Variants in GHR observed in about 807,000 individuals in gnomAD.
GHR encodes GH receptor.
In GHR, 35 loss-of-function variants were observed where a neutral mutation model predicts 67.1. The observed-to-expected ratio is 0.52, with a 90% CI of 0.40 to 0.69. The LOEUF (loss-of-function observed/expected upper bound fraction) is 0.69. Ranked by LOEUF, GHR falls within the 30% of genes least tolerant of loss-of-function variation. The pLI is 0.00. For missense variants in GHR, 792 were observed against 764.6 expected, an observed-to-expected ratio of 1.04 and a Z score of -0.42; for synonymous variants, 272 against 269.1, an observed-to-expected ratio of 1.01 and a Z score of -0.10.
chr5:42,443,245 A>G (rs567355521), intron 1 of GHR, among the ~76,000 whole-genome samples: 55 of 152,338 alleles, frequency 3.6e-4, no homozygotes, highest in African/African-American at 1.3e-3. Context: ...TTGAAATTAC[A>G]TATGAATATT....
intron 1 of GHR, among the ~76,000 whole-genome samples, chr5:42,558,648 A>C (rs2112448024): frequency 6.6e-6 from 1 of 152,302 alleles, no homozygotes; most frequent in Non-Finnish European, 1.5e-5. Context: ...TAGAGCAGTA[A>C]CCTGCTGCAC....
At chr5:42,708,556 C>T (rs916781471) in intron 6 of GHR, among the ~76,000 whole-genome samples, 3 of 151,930 alleles carry the variant, frequency 2.0e-5, no homozygotes, top group African/African-American at 7.3e-5. Context: ...ATAGGTATAA[C>T]CCAACTAAAC....
At chr5:42,474,277 A>AAAAGAGAAAG (rs1400535926) in intron 1 of GHR, among the ~76,000 whole-genome samples, 20 of 110,788 alleles carry the variant, frequency 1.8e-4, no homozygotes, top group East Asian at 7.4e-4. Context: ...GAAAGAAAGA[A>AAAAGAGAAAG]AGAAAGAAAA....
chr5:42,713,584 AT>A (rs1262467452), intron 8 of GHR, 65 bp downstream of exon 8: 1 of 795,298 alleles, frequency 1.3e-6, no homozygotes, highest in Non-Finnish European at 2.2e-6. Flanking sequence ...ATGTGTTTCT[AT>A]TTGTTATTTG....
intron 3 of GHR, among the ~76,000 whole-genome samples, chr5:42,680,031 G>A (rs932866300): frequency 2.0e-5 from 3 of 152,140 alleles, no homozygotes; most frequent in Non-Finnish European, 4.4e-5. Context: ...AAATATAAAG[G>A]CTAAATACAA....
intron 1 of GHR, among the ~76,000 whole-genome samples, chr5:42,531,405 T>C (rs529508879): frequency 4.6e-5 from 7 of 152,282 alleles, no homozygotes; most frequent in Middle Eastern, 3.4e-3. Flanking sequence ...CTATGGATTT[T>C]CTCTACAATG....
At chr5:42,478,798 G>A (rs1037269568) in intron 1 of GHR, among the ~76,000 whole-genome samples, 3 of 152,156 alleles carry the variant, frequency 2.0e-5, no homozygotes, top group Non-Finnish European at 2.9e-5. Context: ...AGATGATGGG[G>A]TTTTCTAGAT....
intron 1 of GHR, chr5:42,467,338 AG>A: frequency 9.4e-7 from 1 of 1,063,676 alleles, no homozygotes; most frequent in Middle Eastern, 2.0e-4. Flanking sequence ...ATGTACAATA[AG>A]ATTTGCAATC....
At chr5:42,616,677 GAA>G (rs11333795) in intron 2 of GHR, among the ~76,000 whole-genome samples, 6,292 of 141,150 alleles carry the variant, frequency 0.045, 241 homozygotes, top group African/African-American at 0.1. Context: ...CTTTGCAGGG[GAA>G]AAAAAAAAAA....
chr5:42,528,144 T>C (rs1747791585), intron 1 of GHR, among the ~76,000 whole-genome samples: 1 of 152,100 alleles, frequency 6.6e-6, no homozygotes, highest in African/African-American at 2.4e-5. Context: ...TATCAAGGAG[T>C]AATTTTGGCC....
At chr5:42,478,593 C>G (rs1394122807) in intron 1 of GHR, among the ~76,000 whole-genome samples, 2 of 152,120 alleles carry the variant, frequency 1.3e-5, no homozygotes, top group Non-Finnish European at 2.9e-5. Flanking sequence ...TTGAAGATGT[C>G]CTTCACATCC....
chr5:42,555,886 G>A (rs1044449563), intron 1 of GHR, among the ~76,000 whole-genome samples: 1 of 152,148 alleles, frequency 6.6e-6, no homozygotes, highest in African/African-American at 2.4e-5. Flanking sequence ...CACAGTGCAG[G>A]ATTTGGCTTA....
intron 1 of GHR, among the ~76,000 whole-genome samples, chr5:42,563,260 T>C (rs1324209925): frequency 6.6e-6 from 1 of 152,188 alleles, no homozygotes; most frequent in Admixed American, 6.5e-5. Context: ...TGACACTAAG[T>C]GTCTTGGGAG....
At chr5:42,636,149 G>A (rs1011265068) in intron 3 of GHR, among the ~76,000 whole-genome samples, 2 of 145,978 alleles carry the variant, frequency 1.4e-5, no homozygotes, top group Admixed American at 1.4e-4. Flanking sequence ...GGCGGAGCTT[G>A]CAGTGAGCCG....
At chr5:42,573,840 A>T (rs1750475055) in intron 2 of GHR, among the ~76,000 whole-genome samples, 1 of 152,214 alleles carries the variant, frequency 6.6e-6, no homozygotes, top group Non-Finnish European at 1.5e-5. Context: ...AATATGAAAA[A>T]ATGATACTTT....
chr5:42,669,432 A>G (rs1756161721), intron 3 of GHR, among the ~76,000 whole-genome samples: 3 of 152,220 alleles, frequency 2.0e-5, no homozygotes, highest in Admixed American at 1.3e-4. Flanking sequence ...TCTTCTGGCA[A>G]TAGAAGGCTC....
At chr5:42,510,249 C>A (rs1023742848) in intron 1 of GHR, among the ~76,000 whole-genome samples, 1 of 152,228 alleles carries the variant, frequency 6.6e-6, no homozygotes, top group Non-Finnish European at 1.5e-5. Context: ...CCACCATCCT[C>A]ATTCACTTGG....
chr5:42,626,224 C>G (rs1191402216), intron 2 of GHR, among the ~76,000 whole-genome samples: 1 of 152,158 alleles, frequency 6.6e-6, no homozygotes, highest in African/African-American at 2.4e-5. Flanking sequence ...CATCAGATAA[C>G]CACAGGTTTA....
At chr5:42,514,893 T>C (rs1164332713) in intron 1 of GHR, 1 of 152,034 alleles carries the variant, frequency 6.6e-6, no homozygotes, top group Non-Finnish European at 1.5e-5. Context: ...TGAGGAAGAG[T>C]GATGGGCGAC....
Sources: gnomAD v4.1 joint callset for allele counts (sites outside exome capture counted in the v4.1 genomes callset) on GRCh38, gnomAD v4.1.1 for gene constraint, MANE v1.5 for transcripts, NCBI Gene and HGNC (gene_info 2026-07-23, HGNC 2026-07-21) for gene names.